Variants in LAMA1 observed in about 807,000 individuals in gnomAD.
LAMA1 encodes the protein laminin subunit alpha-1.
In LAMA1, 219 loss-of-function variants were observed where a neutral mutation model predicts 348.7. The ratio of observed to expected loss-of-function variants is 0.63; its 90% confidence interval spans 0.56 to 0.70. LAMA1 has a LOEUF of 0.70. Among genes scored for constraint, LAMA1 ranks in the 30% least tolerant of loss-of-function variants. LAMA1 has a pLI of 0.00. For missense variants in LAMA1, 3,744 were observed against 3,888.0 expected, an observed-to-expected ratio of 0.96 and a Z score of 0.99; for synonymous variants, 1,487 against 1,491.0, an observed-to-expected ratio of 1.00 and a Z score of 0.06.
intron 30 of LAMA1, among the ~76,000 whole-genome samples, chr18:7,001,627 C>T (rs539719138): frequency 6.6e-6 from 1 of 152,256 alleles, no homozygotes; most frequent in South Asian, 2.1e-4. Flanking sequence ...CAAGAGTTAA[C>T]ATTTGATCTT....
Position 6,949,265 on chromosome 18 carries a change from G to A in LAMA1, c.8398-6C>T, listed in dbSNP as rs928600596. On this transcript the variant is annotated splice_region_variant and splice_polypyrimidine_tract_variant and intron_variant, in intron 58 of 62. Coordinates refer to ENST00000389658, the MANE Select transcript of LAMA1 (RefSeq NM_005559.4). ...TTAACATAGTCTGTCTTGACCTACAGCAAAGTGAAAACATGCATAATTTTT... is the reference window on the plus strand; with the variant it reads ...TTAACATAGTCTGTCTTGACCTACAACAAAGTGAAAACATGCATAATTTTT... The A allele has an allele frequency of 1.2e-6, 2 of 1,614,070 alleles. No homozygotes were observed. The highest frequency in any genetic ancestry group is 1.1e-5 in the South Asian group (1 of 91,082).
At chr18:7,007,902 T>C (rs903729424) in intron 28 of LAMA1, among the ~76,000 whole-genome samples, 1 of 140,068 alleles carries the variant, frequency 7.1e-6, no homozygotes, top group Non-Finnish European at 1.5e-5. Flanking sequence ...ACAAGTTCTG[T>C]ATTACTCCAC....
intron 1 of LAMA1, among the ~76,000 whole-genome samples, chr18:7,101,554 G>A (rs2058291191): frequency 6.6e-6 from 1 of 152,204 alleles, no homozygotes; most frequent in Non-Finnish European, 1.5e-5. Flanking sequence ...TTGGATCCAA[G>A]TTATTCTCTT....
intron 1 of LAMA1, among the ~76,000 whole-genome samples, chr18:7,086,054 C>T (rs77363250): frequency 5.0e-4 from 76 of 152,218 alleles, no homozygotes; most frequent in African/African-American, 1.8e-3. Context: ...TACACATATG[C>T]GTCAGAAAAA....
intron 18 of LAMA1, 58 bp from the exon 19 acceptor site, chr18:7,023,433 A>G: frequency 2.9e-6 from 4 of 1,399,604 alleles, no homozygotes; most frequent in Non-Finnish European, 4.1e-6. Flanking sequence ...GCCTTACCGC[A>G]CTATCCAGGG....
chr18:7,062,958 T>C (rs924593944), intron 3 of LAMA1, among the ~76,000 whole-genome samples: 6 of 152,148 alleles, frequency 3.9e-5, no homozygotes, highest in African/African-American at 1.4e-4. Context: ...AGCATCACAC[T>C]CAGTGACAGT....
At chr18:7,091,344 A>G (rs1293340037) in intron 1 of LAMA1, among the ~76,000 whole-genome samples, 1 of 152,214 alleles carries the variant, frequency 6.6e-6, no homozygotes, top group Non-Finnish European at 1.5e-5. Context: ...GTGAAAAATA[A>G]AAAAGCAAAT....
intron 12 of LAMA1, 149 bp downstream of exon 12, chr18:7,037,429 G>A (rs660098): frequency 0.32 from 268,636 of 828,856 alleles, 44,696 homozygotes; most frequent in Non-Finnish European, 0.34. Context: ...AACCTTCTTT[G>A]TATCATCAGA....
chr18:7,041,877 G>C (rs1028974538), intron 9 of LAMA1, among the ~76,000 whole-genome samples: 32 of 152,068 alleles, frequency 2.1e-4, no homozygotes, highest in Admixed American at 8.5e-4. Context: ...TTATGTCCAT[G>C]ACACTACCTC....
At chr18:7,014,203 T>C (rs1479265395) in intron 22 of LAMA1, 152 bp from the exon 23 acceptor site, 10 of 733,718 alleles carry the variant, frequency 1.4e-5, no homozygotes. Context: ...CACGTTGCCA[T>C]GTGCCAACAG....
rs2057666076 is a variant in LAMA1 at position 6,973,142 on chromosome 18, G to A, written c.6689C>T (p.Thr2230Ile). 6.2e-7 allele frequency: 1 copy of A among 1,614,050 alleles called. No homozygotes were observed. The highest frequency in any genetic ancestry group is 8.5e-7 in the Non-Finnish European group (1 of 1,179,878). ...ATTAGCTGTCCCAGGGGATTTACTTGTTTTTGTTGGTGACTTTTGATTTGA... is the reference window on the plus strand; with the variant it reads ...ATTAGCTGTCCCAGGGGATTTACTTATTTTTGTTGGTGACTTTTGATTTGA... ...MSSNQKSPTKTSKSPGTANVL... is the reference protein window; with the variant it reads ...MSSNQKSPTKISKSPGTANVL... The change falls in exon 47 of 63, where the codon ACA (threonine) becomes ATA (isoleucine). Residue 2230 changes from threonine (T) to isoleucine (I), a missense_variant. Coordinates refer to ENST00000389658, the MANE Select transcript of LAMA1 (RefSeq NM_005559.4).
In LAMA1 at chr18:7,049,099, C is replaced by T. The variant is rs946666035; in HGVS notation, c.747G>A (p.Leu249=). 1.2e-6 allele frequency: 2 copies of T among 1,614,006 alleles called. No homozygotes were observed. The highest frequency in any genetic ancestry group is 2.2e-5 in the South Asian group (2 of 91,058). The change falls in exon 5 of 63, where the codon CTG becomes CTA. Residue 249 remains leucine (L), a synonymous_variant. Coordinates refer to ENST00000389658, the MANE Select transcript of LAMA1 (RefSeq NM_005559.4). ...MTLSHREPKE[L]DPIVTRRYYY... ...TCACGCGTCTGGTAACAATAGGATC[C>T]AGTTCTTTAGGTTCCCGGTGGCTAA...
At chr18:7,014,544 C>T (rs1023381106) in intron 22 of LAMA1, among the ~76,000 whole-genome samples, 11 of 150,942 alleles carry the variant, frequency 7.3e-5, no homozygotes, top group Non-Finnish European at 1.0e-4. Flanking sequence ...ATTGCTTGAG[C>T]CCAAGAGGTC....
chr18:7,059,955 T>A (rs566541126), intron 3 of LAMA1, among the ~76,000 whole-genome samples: 136 of 152,346 alleles, frequency 8.9e-4, no homozygotes, highest in African/African-American at 3.1e-3. Context: ...GAATGAAATG[T>A]AAAATGACCA....
At chr18:7,022,887 G>A (rs190968498) in intron 19 of LAMA1, among the ~76,000 whole-genome samples, 18 of 152,252 alleles carry the variant, frequency 1.2e-4, no homozygotes, top group African/African-American at 3.6e-4. Flanking sequence ...GAGCAGAGCC[G>A]GAACTCTGTC....
At chr18:7,104,226 C>G (rs899667530) in intron 1 of LAMA1, among the ~76,000 whole-genome samples, 1 of 152,146 alleles carries the variant, frequency 6.6e-6, no homozygotes, top group Non-Finnish European at 1.5e-5. Flanking sequence ...ATCCACCCAC[C>G]TCGGCCTCCC....
At chr18:6,979,288 TC>T (rs1205905330) in intron 42 of LAMA1, among the ~76,000 whole-genome samples, 2 of 152,174 alleles carry the variant, frequency 1.3e-5, no homozygotes, top group Non-Finnish European at 2.9e-5. Flanking sequence ...CCAGGTAACT[TC>T]CATGCTTACA....
At chr18:7,066,967 TG>T (rs1242981727) in intron 3 of LAMA1, among the ~76,000 whole-genome samples, 1 of 152,206 alleles carries the variant, frequency 6.6e-6, no homozygotes, top group Non-Finnish European at 1.5e-5. Flanking sequence ...AGCCCCAAAT[TG>T]GAAACACCTT....
At chr18:7,031,931 T>C (rs536237839) in intron 16 of LAMA1, 135 bp downstream of exon 16, 2 of 621,514 alleles carry the variant, frequency 3.2e-6, no homozygotes, top group African/African-American at 2.0e-5. Context: ...TGAGCTTAAA[T>C]CTGTAAATTT....
Sources: gnomAD v4.1 joint callset for allele counts (sites outside exome capture counted in the v4.1 genomes callset) on GRCh38, gnomAD v4.1.1 for gene constraint, MANE v1.5 for transcripts, NCBI Gene and HGNC (gene_info 2026-07-23, HGNC 2026-07-21) for gene names.